WWOX: variants seen among roughly 807,000 people sequenced by gnomAD.
WWOX encodes WW domain-containing oxidoreductase.
A neutral mutation model predicts 46.2 loss-of-function variants in WWOX; 69 were observed. The observed-to-expected ratio is 1.49, with a 90% CI of 1.23 to 1.82. The LOEUF (loss-of-function observed/expected upper bound fraction) is 1.82. Ranked by LOEUF, WWOX falls within the 40% of genes most tolerant of loss-of-function variation. The probability of loss-of-function intolerance (pLI) is 0.00; values close to 1 mark genes in which losing one functional copy is unlikely to be tolerated. For missense variants in WWOX, 919 were observed against 542.6 expected (o/e 1.69, Z -6.89); for synonymous variants, 359 against 202.6 (o/e 1.77, Z -6.56).
chr16:78,789,930 G>C (rs774264111), intron 8 of WWOX, among the ~76,000 whole-genome samples: 1 of 152,084 alleles, frequency 6.6e-6, no homozygotes, highest in Non-Finnish European at 1.5e-5. Context: ...GCCACTTATT[G>C]TGTCACTTTG....
Position 78,944,835 on chromosome 16 carries a change from C to G in WWOX, c.1057-266773C>G, listed in dbSNP as rs980855561. 2.6e-5 allele frequency among the ~76,000 whole-genome samples: 4 copies of G among 152,104 alleles called. No individual in the cohort carries two copies. The East Asian group carries it at 7.7e-4, about 29-fold the overall frequency. ...TTGACATTCCCACATAGCTGCTTCC[C>G]TGGTAATTCACCTGGGTCCAGAACA... On this transcript the variant is annotated intron_variant, in intron 8 of 8. Coordinates refer to ENST00000566780, the MANE Select transcript of WWOX (RefSeq NM_016373.4).
At chr16:78,228,154 T>C (rs1013612993) in intron 5 of WWOX, among the ~76,000 whole-genome samples, 2 of 151,976 alleles carry the variant, frequency 1.3e-5, no homozygotes, top group East Asian at 1.9e-4. Context: ...AGCCTTTGCA[T>C]AGAGAGAGAA....
intron 4 of WWOX, among the ~76,000 whole-genome samples, chr16:78,143,183 A>G (rs942240358): frequency 6.6e-6 from 1 of 152,188 alleles, no homozygotes; most frequent in Non-Finnish European, 1.5e-5. Flanking sequence ...TTTGTTTTAT[A>G]TTTGTTTTAA....
At chr16:79,197,210 G>A (rs746419661) in intron 8 of WWOX, among the ~76,000 whole-genome samples, 1 of 152,098 alleles carries the variant, frequency 6.6e-6, no homozygotes, top group African/African-American at 2.4e-5. Context: ...TTCCCACAGT[G>A]CCTACCACAT....
intron 8 of WWOX, among the ~76,000 whole-genome samples, chr16:79,062,175 T>C (rs982690951): frequency 7.9e-5 from 12 of 151,978 alleles, no homozygotes; most frequent in Admixed American, 6.6e-5. Context: ...AGACTCAAGG[T>C]TGGGGAGACT....
chr16:78,888,773 C>G (rs1006963834), intron 8 of WWOX, among the ~76,000 whole-genome samples: 1 of 152,024 alleles, frequency 6.6e-6, no homozygotes, highest in Non-Finnish European at 1.5e-5. Context: ...GTTCTATGAC[C>G]TTTGTCACTG....
At chr16:78,993,915 G>T (rs958602016) in intron 8 of WWOX, among the ~76,000 whole-genome samples, 16 of 152,160 alleles carry the variant, frequency 1.1e-4, no homozygotes, top group Non-Finnish European at 1.9e-4. Flanking sequence ...TATTTCCAGT[G>T]TATGTGACCG....
chr16:78,440,162 A>G (rs4036026), intron 8 of WWOX, among the ~76,000 whole-genome samples: 17,637 of 152,202 alleles, frequency 0.12, 1,268 homozygotes, highest in East Asian at 0.2. Context: ...ACGTATGTAC[A>G]TATTTTAATA....
chr16:79,174,391 G>T (rs535420210), intron 8 of WWOX, among the ~76,000 whole-genome samples: 4 of 152,298 alleles, frequency 2.6e-5, no homozygotes, highest in African/African-American at 9.6e-5. Context: ...GCTCACGCCT[G>T]TAATCCCAGC....
intron 8 of WWOX, among the ~76,000 whole-genome samples, chr16:78,760,341 C>G (rs141092893): frequency 6.6e-6 from 1 of 152,174 alleles, no homozygotes; most frequent in Non-Finnish European, 1.5e-5. Flanking sequence ...ATGGGAGCTA[C>G]AATTCAATAT....
At chr16:78,563,490 A>AACACACACACAC (rs61298369) in intron 8 of WWOX, among the ~76,000 whole-genome samples, 2 of 137,878 alleles carry the variant, frequency 1.5e-5, no homozygotes, top group East Asian at 2.1e-4. Flanking sequence ...CGTGTGGGTG[A>AACACACACACAC]ACACACACAC....
At chr16:78,605,231 C>T (rs1251908049) in intron 8 of WWOX, among the ~76,000 whole-genome samples, 1 of 151,440 alleles carries the variant, frequency 6.6e-6, no homozygotes, top group African/African-American at 2.4e-5. Flanking sequence ...CATTGTTTCC[C>T]CATAATTTTT....
chr16:78,856,918 C>A (rs368671832), intron 8 of WWOX, among the ~76,000 whole-genome samples: 3 of 152,178 alleles, frequency 2.0e-5, no homozygotes, highest in Non-Finnish European at 4.4e-5. Flanking sequence ...TGCCATACTC[C>A]TAGGCTAGGT....
intron 4 of WWOX, among the ~76,000 whole-genome samples, chr16:78,133,797 A>T (rs1418830675): frequency 6.6e-6 from 1 of 152,204 alleles, no homozygotes; most frequent in African/African-American, 2.4e-5. Flanking sequence ...TCATGCGTAG[A>T]AGTAGAATCC....
intron 5 of WWOX, among the ~76,000 whole-genome samples, chr16:78,367,403 A>AT (rs1030426293): frequency 6.7e-3 from 160 of 23,918 alleles, no homozygotes; most frequent in African/African-American, 0.063. Context: ...ATGATGAGAT[A>AT]TTTTTTGCCA....
intron 5 of WWOX, among the ~76,000 whole-genome samples, chr16:78,182,950 C>CAAAAA (rs1193436425): frequency 8.7e-6 from 1 of 115,052 alleles, no homozygotes; most frequent in South Asian, 2.9e-4. Flanking sequence ...GAATCTGTCT[C>CAAAAA]AAAAAAAAAA....
intron 4 of WWOX, among the ~76,000 whole-genome samples, chr16:78,153,991 G>T (rs902833430): frequency 6.6e-6 from 1 of 152,098 alleles, no homozygotes; most frequent in African/African-American, 2.4e-5. Flanking sequence ...GTGGGCGACT[G>T]TCCCCACCTG....
chr16:78,686,858 G>T (rs1410808643), intron 8 of WWOX, among the ~76,000 whole-genome samples: 2 of 152,162 alleles, frequency 1.3e-5, no homozygotes, highest in Non-Finnish European at 1.5e-5. Flanking sequence ...ACCCAGGAAG[G>T]CAGTGTTCTT....
chr16:78,779,763 C>T (rs919829658), intron 8 of WWOX, among the ~76,000 whole-genome samples: 2 of 152,126 alleles, frequency 1.3e-5, no homozygotes, highest in East Asian at 1.9e-4. Context: ...CTAGGCAGCA[C>T]GTTGGTGGCA....
Sources: gnomAD v4.1 joint callset for allele counts (sites outside exome capture counted in the v4.1 genomes callset) on GRCh38, gnomAD v4.1.1 for gene constraint, MANE v1.5 for transcripts, NCBI Gene and HGNC (gene_info 2026-07-23, HGNC 2026-07-21) for gene names.